Variants in TRPS1 observed in about 807,000 individuals in gnomAD.
TRPS1 encodes transcriptional repressor GATA binding 1.
Under a neutral mutation model 101.2 loss-of-function variants are expected in TRPS1, and 6 were observed. That is an observed-to-expected ratio of 0.06 (90% CI 0.03 to 0.12). The LOEUF is 0.12. Among genes scored for constraint, TRPS1 ranks in the 10% least tolerant of loss-of-function variants. The probability of loss-of-function intolerance (pLI) is 1.00; values close to 1 mark genes in which losing one functional copy is unlikely to be tolerated. For missense variants in TRPS1, 1,363 were observed against 1,567.0 expected, an observed-to-expected ratio of 0.87 and a Z score of 2.20; for synonymous variants, 578 against 589.8, an observed-to-expected ratio of 0.98 and a Z score of 0.29.
rs1301631311 is a variant in TRPS1 at position 115,587,402 on chromosome 8, A to G, written c.2299T>C (p.Ser767Pro). The change falls in exon 5 of 7, where the codon TCT becomes CCT. Residue 767 changes from serine (S) to proline (P), a missense_variant. Transcript: ENST00000395715. ...TCAGAAACTGGCTCTCCCATTTTAG[A>G]GTCTGGAGTTAGCAGATTGTAGACC... The part of the protein sequence containing the change: ...FRVYNLLTPD[S>P]KMGEPVSESV... 1 of 1,614,074 alleles carries G rather than the reference A, an allele frequency of 6.2e-7. No individual in the cohort carries two copies. The highest frequency in any genetic ancestry group is 1.1e-5 in the South Asian group (1 of 91,086).
In TRPS1 at chr8:115,418,282, A is replaced by C; in HGVS notation, c.2823+48T>G. The C allele has an allele frequency of 6.2e-7, 1 of 1,613,844 alleles. No individual in the cohort carries two copies. Among genetic ancestry groups the C allele is most frequent in the Non-Finnish European group, 8.5e-7 (1 of 1,179,794 alleles). ...GACTTATCACACCACAGACCAGGCC[A>C]ACACTGCTTTATAAAGCTTTTCCTG... On this transcript the variant is annotated intron_variant, in intron 6 of 6. Transcript: ENST00000395715. This position sits in a 1 kb window ranked among gnomAD's most constrained non-coding sequence, Gnocchi z 4.3.
At chr8:115,476,872 T>A (rs1215669739) in intron 5 of TRPS1, among the ~76,000 whole-genome samples, 4 of 152,186 alleles carry the variant, frequency 2.6e-5, no homozygotes, top group African/African-American at 9.6e-5. Context: ...AATATCGCCC[T>A]CCAATTCTGA....
chr8:115,524,682 C>T (rs1256132622), intron 5 of TRPS1, among the ~76,000 whole-genome samples: 1 of 152,066 alleles, frequency 6.6e-6, no homozygotes, highest in African/African-American at 2.4e-5. Context: ...AATATCAACT[C>T]TTACTCTCAA....
At chr8:115,453,795 A>G (rs886425220) in intron 5 of TRPS1, among the ~76,000 whole-genome samples, 1 of 152,268 alleles carries the variant, frequency 6.6e-6, no homozygotes, top group Non-Finnish European at 1.5e-5. Context: ...ATTAGAGTAT[A>G]TAAAATGTAC....
Position 115,604,336 on chromosome 8 carries a change from A to G in TRPS1, c.1633T>C (p.Tyr545His). The part of the protein sequence containing the change: ...SYNCQFCDFR[Y>H]SKSHGPDVIV... ...ACATCAGGGCCATGGCTTTTGGAAT[A>G]TCGGAAGTCACAGAACTGACAATTA... The change falls in exon 4 of 7, where the codon TAT becomes CAT. Residue 545 changes from tyrosine to histidine, a missense_variant. Coordinates refer to ENST00000395715, the MANE Select transcript of TRPS1 (RefSeq NM_014112.5). The surrounding 1 kb of genome is among the most constrained non-coding windows in gnomAD (Gnocchi z 4.1). 3 of 1,614,080 alleles carry G rather than the reference A, an allele frequency of 1.9e-6. No individual in the cohort carries two copies. The highest frequency in any genetic ancestry group is 2.5e-6 in the Non-Finnish European group (3 of 1,179,994).
intron 2 of TRPS1, among the ~76,000 whole-genome samples, chr8:115,621,683 G>A (rs1818395582): frequency 6.6e-6 from 1 of 152,128 alleles, no homozygotes; most frequent in Non-Finnish European, 1.5e-5. Context: ...GGGAGGCCAC[G>A]GCGGGTGGAT....
Position 115,414,369 on chromosome 8 carries a change from G to A in TRPS1, c.3539C>T (p.Ala1180Val), listed in dbSNP as rs1295859284. 1.9e-6 allele frequency: 3 copies of A among 1,613,892 alleles called. No homozygotes were observed. The highest frequency in any genetic ancestry group is 2.2e-5 in the South Asian group (2 of 91,072). ...TGGCCCAGGTCTGGAATGCTTGATCGCCAAATCTAGAGGAATGTCATTGTC... is the reference window on the plus strand; with the variant it reads ...TGGCCCAGGTCTGGAATGCTTGATCACCAAATCTAGAGGAATGTCATTGTC... ...GSDNDIPLDL[A>V]IKHSRPGPTA... Residue 1180 changes from alanine to valine, a missense_variant, in exon 7 of 7, where the codon GCG becomes GTG. Ala to Val is a moderately conservative substitution (Grantham distance 64). This residue lies in a region of TRPS1 where 307 missense variants were observed against 392.4 expected (regional missense o/e 0.78). Transcript: ENST00000395715. The surrounding 1 kb of genome is among the most constrained non-coding windows in gnomAD (Gnocchi z 4.8).
At chr8:115,583,685 T>TA (rs1308611360) in intron 5 of TRPS1, among the ~76,000 whole-genome samples, 1 of 152,044 alleles carries the variant, frequency 6.6e-6, no homozygotes, top group Non-Finnish European at 1.5e-5. Flanking sequence ...CTAGTTTTCC[T>TA]AGAGCAATTT....
At chr8:115,448,025 T>C (rs1813779739) in intron 5 of TRPS1, among the ~76,000 whole-genome samples, 1 of 152,102 alleles carries the variant, frequency 6.6e-6, no homozygotes, top group African/African-American at 2.4e-5. Flanking sequence ...ATGACTAACA[T>C]AAAAGGACCA....
At chr8:115,497,998 C>T (rs1723138562) in intron 5 of TRPS1, among the ~76,000 whole-genome samples, 2 of 152,070 alleles carry the variant, frequency 1.3e-5, no homozygotes, top group East Asian at 3.9e-4. Flanking sequence ...TGTAAGAGGC[C>T]AACAAAAGAA....
At chr8:115,421,587 G>A (rs1484186548) in intron 5 of TRPS1, among the ~76,000 whole-genome samples, 2 of 152,178 alleles carry the variant, frequency 1.3e-5, no homozygotes, top group East Asian at 1.9e-4. Context: ...AAGCTTGCAT[G>A]GGGGTGGAGA....
chr8:115,654,511 G>C (rs922824787), intron 1 of TRPS1, among the ~76,000 whole-genome samples: 13 of 152,196 alleles, frequency 8.5e-5, no homozygotes, highest in Middle Eastern at 3.4e-3. Flanking sequence ...CCTGCCAAGG[G>C]AACTATGACT....
At chr8:115,510,686 A>T (rs1258141725) in intron 5 of TRPS1, among the ~76,000 whole-genome samples, 2 of 151,952 alleles carry the variant, frequency 1.3e-5, no homozygotes, top group African/African-American at 4.8e-5. Context: ...GAAAATAAGC[A>T]CCTTCTTTTA....
chr8:115,618,995 G>T (rs1210132897), intron 3 of TRPS1, 137 bp downstream of exon 3: 3 of 837,964 alleles, frequency 3.6e-6, no homozygotes, highest in Non-Finnish European at 3.8e-6. Flanking sequence ...AGTAGCTATG[G>T]AGTGTGTCCA....
chr8:115,555,509 G>A (rs907296303), intron 5 of TRPS1, among the ~76,000 whole-genome samples: 1 of 151,884 alleles, frequency 6.6e-6, no homozygotes, highest in Admixed American at 6.6e-5. Context: ...TCTTTGGCAA[G>A]TACTTCTTTT....
intron 4 of TRPS1, among the ~76,000 whole-genome samples, chr8:115,601,885 C>T (rs1019907923): frequency 2.0e-5 from 3 of 152,194 alleles, no homozygotes; most frequent in Admixed American, 6.5e-5. Context: ...TGTGTTAAAT[C>T]GTGCAGATAC....
In TRPS1 at chr8:115,649,722, A is replaced by G. The variant is rs557623967; in HGVS notation, c.-122+18823T>C. Among the ~76,000 whole-genome samples the G allele has an allele frequency of 5.3e-5, 8 of 152,270 alleles. No individual in the cohort carries two copies. The South Asian group carries it at 1.7e-3, about 32-fold the overall frequency. On this transcript the variant is annotated intron_variant, in intron 1 of 6. Transcript: ENST00000395715. Reference sequence around the variant, plus strand: ...TTATTACTACACGCAGCTCATTTCTATGCAAACCGTGTCCAGCCTTTGGGC... The same window carrying G: ...TTATTACTACACGCAGCTCATTTCTGTGCAAACCGTGTCCAGCCTTTGGGC...
chr8:115,417,008 G>A (rs1451761769), intron 6 of TRPS1, among the ~76,000 whole-genome samples: 1 of 152,006 alleles, frequency 6.6e-6, no homozygotes, highest in South Asian at 2.1e-4. Context: ...TCAATGTATG[G>A]TTTTTTAAAA....
intron 5 of TRPS1, among the ~76,000 whole-genome samples, chr8:115,490,618 A>G (rs1814997427): frequency 6.6e-6 from 1 of 152,154 alleles, no homozygotes; most frequent in Non-Finnish European, 1.5e-5. Flanking sequence ...GTAATCGTCT[A>G]CCTTTCTGCT....
Sources: allele counts gnomAD v4.1 joint callset (sites outside exome capture counted in the v4.1 genomes callset), GRCh38; gene constraint gnomAD v4.1.1; regional missense constraint gnomAD v4.1.1; non-coding constraint Gnocchi (gnomAD v3.1); transcripts MANE v1.5; gene names NCBI Gene and HGNC (gene_info 2026-07-23, HGNC 2026-07-21).